Variants in EYS observed in about 807,000 individuals in gnomAD.
EYS encodes EGF-like photoreceptor maintenance factor, also known as protein eyes shut homolog.
A neutral mutation model predicts 282.1 loss-of-function variants in EYS; 250 were observed. That is an observed-to-expected ratio of 0.89 (90% confidence interval 0.80 to 0.98). The LOEUF is 0.98. Among genes scored for constraint, EYS ranks in the 50% least tolerant of loss-of-function variants. EYS has a pLI of 0.00. For missense variants in EYS, 4,016 were observed against 3,709.0 expected (o/e 1.08, Z -2.15); for synonymous variants, 1,355 against 1,282.9 (o/e 1.06, Z -1.20).
intron 33 of EYS, among the ~76,000 whole-genome samples, chr6:64,027,597 T>C (rs1381843433): frequency 6.6e-6 from 1 of 152,042 alleles, no homozygotes; most frequent in Non-Finnish European, 1.5e-5. Context: ...ACCTTGGTGG[T>C]TCAGAGAAGA....
intron 30 of EYS, among the ~76,000 whole-genome samples, chr6:64,256,278 A>G (rs1767398335): frequency 6.6e-6 from 1 of 152,028 alleles, no homozygotes; most frequent in Non-Finnish European, 1.5e-5. Context: ...TAAATCTTAC[A>G]TGGTAGTCAA....
Position 64,537,704 on chromosome 6 carries a change from C to T in EYS, c.5644+52519G>A, listed in dbSNP as rs1011605607. Among the ~76,000 whole-genome samples the T allele has an allele frequency of 2.6e-5, 4 of 152,082 alleles. 1 individual carries two copies. Among genetic ancestry groups the T allele is most frequent in the South Asian group, 4.1e-4 (2 of 4,828 alleles). The stretch of plus-strand genomic sequence containing the variant: ...CTTCATGATGAGTACTTGGTTGTCC[C>T]TAAGTTTTTCTGACAATTTTGTTAT... On this transcript the variant is annotated intron_variant, in intron 26 of 42. Coordinates refer to ENST00000503581, the MANE Select transcript of EYS (RefSeq NM_001142800.2).
intron 40 of EYS, among the ~76,000 whole-genome samples, chr6:63,772,571 T>C (rs1444941005): frequency 1.3e-5 from 2 of 152,170 alleles, no homozygotes; most frequent in Non-Finnish European, 2.9e-5. Flanking sequence ...TGGTTCTTTT[T>C]GTCTTTAGGC....
chr6:65,642,527 C>T (rs936468275), intron 1 of EYS, among the ~76,000 whole-genome samples: 8 of 96,928 alleles, frequency 8.3e-5, no homozygotes, highest in Non-Finnish European at 2.1e-4. Context: ...GAAAGCCAAT[C>T]ATTTTATTTT....
chr6:65,406,413 A>T (rs1766743275), intron 5 of EYS, among the ~76,000 whole-genome samples: 1 of 151,772 alleles, frequency 6.6e-6, no homozygotes, highest in Non-Finnish European at 1.5e-5. Flanking sequence ...ATGAAATCCA[A>T]TTTTTCTACT....
chr6:65,686,533 C>T (rs555855320), intron 1 of EYS, among the ~76,000 whole-genome samples: 79 of 151,932 alleles, frequency 5.2e-4, no homozygotes, highest in Non-Finnish European at 1.0e-3. Flanking sequence ...CAAACACATA[C>T]GAATACATAA....
At chr6:63,914,701 C>T (rs1581970979) in intron 35 of EYS, among the ~76,000 whole-genome samples, 1 of 142,142 alleles carries the variant, frequency 7.0e-6, no homozygotes, top group Admixed American at 7.2e-5. Flanking sequence ...GAGCAAGACC[C>T]TGTCTCAACC....
chr6:65,224,062 C>T (rs1392189915), intron 12 of EYS, among the ~76,000 whole-genome samples: 2 of 152,142 alleles, frequency 1.3e-5, no homozygotes. Flanking sequence ...ACACTACAAA[C>T]CAGACCTAAC....
chr6:65,024,188 A>T (rs1000602878), intron 13 of EYS, among the ~76,000 whole-genome samples: 28 of 152,244 alleles, frequency 1.8e-4, no homozygotes, highest in Admixed American at 6.5e-4. Flanking sequence ...ATGAAAATAT[A>T]GCTGGTGCTC....
chr6:64,999,717 C>T (rs993344569), intron 13 of EYS, among the ~76,000 whole-genome samples: 24 of 152,262 alleles, frequency 1.6e-4, no homozygotes, highest in Middle Eastern at 3.4e-3. Context: ...GAGAGGCACA[C>T]ATCAGCAGAG....
chr6:64,392,464 C>T (rs1368251964), intron 28 of EYS, among the ~76,000 whole-genome samples: 5 of 151,304 alleles, frequency 3.3e-5, no homozygotes, highest in East Asian at 3.9e-4. Context: ...GAACTCAGGA[C>T]TAAGAAACTC....
chr6:65,677,060 G>A (rs1225021620), intron 1 of EYS, among the ~76,000 whole-genome samples: 3 of 129,722 alleles, frequency 2.3e-5, no homozygotes, highest in Non-Finnish European at 4.9e-5. Flanking sequence ...TCAACACGAT[G>A]AAGGTAAAAT....
intron 29 of EYS, among the ~76,000 whole-genome samples, chr6:64,363,410 G>T (rs1245479640): frequency 6.6e-6 from 1 of 151,860 alleles, no homozygotes; most frequent in Non-Finnish European, 1.5e-5. Flanking sequence ...GAGTGGCAGG[G>T]ACTTGGTGGT....
intron 12 of EYS, among the ~76,000 whole-genome samples, chr6:65,271,128 T>TCATATATATATATATATATATATA (rs1554174612): frequency 1.8e-5 from 1 of 55,788 alleles, no homozygotes; most frequent in African/African-American, 5.3e-5. Flanking sequence ...AATCAATAGA[T>TCATATATATATATATATATATATA]TATATATATA....
At chr6:63,947,294 CT>C (rs1343461391) in intron 35 of EYS, among the ~76,000 whole-genome samples, 1 of 151,802 alleles carries the variant, frequency 6.6e-6, no homozygotes, top group Non-Finnish European at 1.5e-5. Flanking sequence ...GTTTTTTCAT[CT>C]AAAAATATGA....
intron 22 of EYS, among the ~76,000 whole-genome samples, chr6:64,699,985 C>CA (rs1419640278): frequency 6.6e-6 from 1 of 151,824 alleles, no homozygotes; most frequent in Non-Finnish European, 1.5e-5. Flanking sequence ...AAATCCCCAC[C>CA]AAAAAACTAG....
intron 5 of EYS, among the ~76,000 whole-genome samples, chr6:65,434,647 A>G (rs556736381): frequency 6.6e-6 from 1 of 152,150 alleles, no homozygotes; most frequent in Non-Finnish European, 1.5e-5. Context: ...GGAAAATTTT[A>G]AAATTGTCAC....
intron 5 of EYS, among the ~76,000 whole-genome samples, chr6:65,481,829 C>T (rs1302471669): frequency 6.6e-6 from 1 of 152,126 alleles, no homozygotes; most frequent in Non-Finnish European, 1.5e-5. Flanking sequence ...CTCGGCCTCC[C>T]AAACTGCTGG....
intron 32 of EYS, among the ~76,000 whole-genome samples, chr6:64,072,445 G>T (rs1771617236): frequency 6.6e-6 from 1 of 150,724 alleles, no homozygotes. Flanking sequence ...CTATTCAGCT[G>T]ATCAGGCTGC....
Sources: allele counts gnomAD v4.1 joint callset (sites outside exome capture counted in the v4.1 genomes callset), GRCh38; gene constraint gnomAD v4.1.1; transcripts MANE v1.5; gene names NCBI Gene and HGNC (gene_info 2026-07-23, HGNC 2026-07-21).